The following SLC6A8 variants were observed in gnomAD, a reference collection of about 807,000 sequenced individuals.
SLC6A8 encodes solute carrier family 6 member 8, also known as sodium- and chloride-dependent creatine transporter 1.
SLC6A8 carries 6 observed loss-of-function variants against 48.3 expected under a neutral mutation model. The ratio of observed to expected loss-of-function variants is 0.12; its 90% confidence interval spans 0.07 to 0.25. The LOEUF (loss-of-function observed/expected upper bound fraction) is 0.25, where lower values mean the gene tolerates loss of function less well. Ranked by LOEUF, SLC6A8 falls within the 10% of genes least tolerant of loss-of-function variation. The pLI is 1.00. For missense variants in SLC6A8, 260 were observed against 551.5 expected (o/e 0.47, Z 5.29); for synonymous variants, 245 against 244.0 (o/e 1.00, Z -0.04).
At chrX:153,690,275 C>A in intron 1 of SLC6A8, 100 bp from the exon 2 acceptor site, 1 of 935,039 alleles carries the variant, frequency 1.1e-6, no homozygotes, top group Non-Finnish European at 1.5e-6. Context: ...CTCACCCAGT[C>A]GGAAGTTGTG....
chrX:153,694,573 G>A lies in SLC6A8; in HGVS notation c.1536G>A (p.Gly512=). The A allele has an allele frequency of 1.7e-6, 2 of 1,206,074 alleles. No homozygotes were observed. The highest frequency in any genetic ancestry group is 2.2e-6 in the Non-Finnish European group (2 of 892,634). Residue 512 remains glycine (G), a synonymous_variant, in exon 11 of 13, where the codon GGG becomes GGA. Coordinates refer to ENST00000253122, the MANE Select transcript of SLC6A8 (RefSeq NM_005629.4). The part of the protein sequence containing the change: ...RFMDDIACMI[G]YRPCPWMKWC... ...TGGACGACATTGCCTGTATGATCGG[G>A]TACCGACCTTGCCCCTGGATGAAAT... is the stretch of plus-strand genomic sequence containing the variant.
In SLC6A8 at chrX:153,695,310, A is replaced by G. The variant is rs3861557; in HGVS notation, c.*96A>G. 1 of 924,249 alleles carries G rather than the reference A, an allele frequency of 1.1e-6. No individual in the cohort carries two copies. The highest frequency in any genetic ancestry group is 2.1e-5 in the South Asian group (1 of 47,510). The allele number at this position is 924,249 out of a possible 1,213,427, so 76.2% of individuals were successfully genotyped here. A position where few individuals can be genotyped will look rare whatever the true frequency, so the allele number is the denominator to read the frequency against. ...TCCAGGGGGCCTGCCTTTCCCTGAC[A>G]CTTTTGGGGTCTGCCTGGGGGAGGA... On this transcript the variant is annotated 3_prime_UTR_variant, in exon 13 of 13. Transcript: ENST00000253122.
chrX:153,694,811 C>T lies in SLC6A8; in HGVS notation c.1689C>T (p.Ala563=). ...YPWWGEAMGW[A]FALSSMLCVP... is the part of the protein sequence containing the mutation. ...GGTGGGGTGAGGCCATGGGCTGGGC[C>T]TTCGCCCTGTCCTCCATGCTGTGCG... The change falls in exon 12 of 13, where the codon GCC becomes GCT. Residue 563 remains alanine (A), a synonymous_variant. Coordinates refer to ENST00000253122, the MANE Select transcript of SLC6A8 (RefSeq NM_005629.4). The T allele has an allele frequency of 8.3e-7, 1 of 1,209,917 alleles. No individual in the cohort carries two copies. The highest frequency in any genetic ancestry group is 3.0e-5 in the East Asian group (1 of 33,840).
chrX:153,688,800 T>C lies in SLC6A8; in HGVS notation c.226T>C (p.Trp76Arg). ...VGFAVGLGNV[W>R]RFPYLCYKNG... ...CTTCGCCGTGGGCTTGGGCAACGTG[T>C]GGCGCTTCCCCTACCTGTGCTACAA... The change falls in exon 1 of 13, where the codon TGG becomes CGG. Residue 76 changes from tryptophan (W) to arginine (R), a missense_variant. This residue lies in a region of SLC6A8 where 24 missense variants were observed against 52.0 expected (regional missense o/e 0.46). Transcript: ENST00000253122. The C allele has an allele frequency of 8.8e-7, 1 of 1,139,823 alleles. No homozygotes were observed. Among genetic ancestry groups the C allele is most frequent in the Admixed American group, 2.5e-5 (1 of 39,954 alleles). 93.9% of individuals were successfully genotyped at this position (1,139,823 alleles called of 1,213,427 possible). A position where few individuals can be genotyped will look rare whatever the true frequency, so the allele number is the denominator to read the frequency against.
intron 3 of SLC6A8, 69 bp downstream of exon 3, chrX:153,691,622 G>A: frequency 2.6e-6 from 3 of 1,166,468 alleles, no homozygotes; most frequent in Non-Finnish European, 3.5e-6. Flanking sequence ...CCGGCTCCAG[G>A]GGAGTGGCCC....
chrX:153,694,835 C>G lies in SLC6A8; in HGVS notation c.1713C>G (p.Cys571Trp), dbSNP rs782244505. 1 of 1,207,372 alleles carries G rather than the reference C, an allele frequency of 8.3e-7. No homozygotes were observed. Among genetic ancestry groups the G allele is most frequent in the African/African-American group, 1.7e-5 (1 of 57,491 alleles). The change falls in exon 12 of 13, where the codon TGC becomes TGG. Residue 571 changes from cysteine to tryptophan, a missense_variant. Physicochemically the swap from Cys to Trp is radical, Grantham distance 215. This residue lies in a region of SLC6A8 where 87 missense variants were observed against 120.9 expected (regional missense o/e 0.72). Transcript: ENST00000253122. ...CCTTCGCCCTGTCCTCCATGCTGTGCGTGCCGCTGCACCTCCTGGGCTGCC... is the reference window on the plus strand; with the variant it reads ...CCTTCGCCCTGTCCTCCATGCTGTGGGTGCCGCTGCACCTCCTGGGCTGCC... Reference protein sequence around the residue: ...GWAFALSSMLCVPLHLLGCLL... With the variant: ...GWAFALSSMLWVPLHLLGCLL...
In SLC6A8 at chrX:153,689,518, C is replaced by T. The variant is rs1396075331; in HGVS notation, c.262+682C>T. 5.4e-6 allele frequency: 4 copies of T among 745,384 alleles called. No individual in the cohort carries two copies. In the African/African-American group the frequency reaches 9.7e-5, roughly 18 times the overall value. The allele number at this position is 745,384 out of a possible 1,213,427, so 61.4% of individuals were successfully genotyped here. Reference sequence around the variant, plus strand: ...CTGGGGTTGCTGGAAGCCGAAGTGACCCGGTGATGGGTGGGAAACAGAGGT... The same window carrying T: ...CTGGGGTTGCTGGAAGCCGAAGTGATCCGGTGATGGGTGGGAAACAGAGGT... On this transcript the variant is annotated intron_variant, in intron 1 of 12. Transcript: ENST00000253122.
In SLC6A8 at chrX:153,688,805, C is replaced by T. The variant is rs781820776; in HGVS notation, c.231C>T (p.Arg77=). The part of the protein sequence containing the change: ...GFAVGLGNVW[R]FPYLCYKNGG... ...CCGTGGGCTTGGGCAACGTGTGGCG[C>T]TTCCCCTACCTGTGCTACAAGAACG... The change falls in exon 1 of 13, where the codon CGC becomes CGT. Residue 77 remains arginine, a synonymous_variant. Coordinates refer to ENST00000253122, the MANE Select transcript of SLC6A8 (RefSeq NM_005629.4). 1 of 1,134,199 alleles carries T rather than the reference C, an allele frequency of 8.8e-7. No individual in the cohort carries two copies. The allele number at this position is 1,134,199 out of a possible 1,213,427, so 93.5% of individuals were successfully genotyped here. A position where few individuals can be genotyped will look rare whatever the true frequency, so the allele number is the denominator to read the frequency against.
intron 2 of SLC6A8, 157 bp downstream of exon 2, chrX:153,690,663 G>A (rs1393723732): frequency 1.2e-5 from 7 of 597,805 alleles, no homozygotes; most frequent in South Asian, 2.7e-5. Context: ...GCCGCACAGC[G>A]AACTTGGGGA....
rs187505163 is a variant in SLC6A8 at position 153,693,223 on chromosome X, T to C, written c.913-40T>C. On this transcript the variant is annotated intron_variant, in intron 5 of 12. Transcript: ENST00000253122. The stretch of plus-strand genomic sequence containing the variant: ...GCAGCAGGGCGCTGCGGGGGAGCCC[T>C]GCAGGCCCCTCATGCCTGCGCTCTC... The C allele has an allele frequency of 2.3e-3, 2,755 of 1,204,946 alleles. 33 individuals carry two copies. In the African/African-American group the frequency reaches 0.041, roughly 18 times the overall value.
chrX:153,692,196 C>G, intron 4 of SLC6A8, 89 bp downstream of exon 4: 1 of 953,077 alleles, frequency 1.0e-6, no homozygotes, highest in Non-Finnish European at 1.5e-6. Context: ...CGGGAGGTGA[C>G]CAGACAGAGT....
At chrX:153,693,724 A>G (rs1557045195) in intron 7 of SLC6A8, 138 bp downstream of exon 7, 1 of 855,663 alleles carries the variant, frequency 1.2e-6, no homozygotes, top group Non-Finnish European at 1.7e-6. Flanking sequence ...CTGTGGGGGC[A>G]GGTCCTGGGA....
chrX:153,690,602 C>G (rs1428607332), intron 2 of SLC6A8, 96 bp downstream of exon 2: 2 of 951,519 alleles, frequency 2.1e-6, no homozygotes, highest in Non-Finnish European at 2.9e-6. Context: ...AGGCCTGGGG[C>G]CACGTGATGG....
At chrX:153,689,298 C>T (rs2148359149) in intron 1 of SLC6A8, among the ~76,000 whole-genome samples, 1 of 104,675 alleles carries the variant, frequency 9.6e-6, no homozygotes, top group East Asian at 3.1e-4. Context: ...CGCGGCCCTC[C>T]CGCCCCTCCC....
chrX:153,688,488 T>A lies in SLC6A8; in HGVS notation c.-87T>A. On this transcript the variant is annotated 5_prime_UTR_variant, in exon 1 of 13. Transcript: ENST00000253122. ...CGGCCGGCCCGCGCCCTCGGGGCCC[T>A]CCCCGGTGCCGCCGGTGCCCCCCGC... 1.2e-5 allele frequency: 3 copies of A among 248,937 alleles called. No individual in the cohort carries two copies. The highest frequency in any genetic ancestry group is 1.5e-5 in the Non-Finnish European group (3 of 194,793). 20.5% of individuals were successfully genotyped at this position (248,937 alleles called of 1,213,427 possible).
rs184055391 is a variant in SLC6A8 at position 153,695,817 on chromosome X, G to A, written c.*603G>A. The A allele has an allele frequency of 8.0e-5, 11 of 137,023 alleles. No individual in the cohort carries two copies. The East Asian group carries it at 9.9e-4, about 12-fold the overall frequency. 11.3% of individuals were successfully genotyped at this position (137,023 alleles called of 1,213,427 possible). On this transcript the variant is annotated 3_prime_UTR_variant, in exon 13 of 13. Transcript: ENST00000253122. ...GTATCAATTGTGTGAGCTTGGGTGC[G>A]AGTGCACGCGTGCGTGAGTACGGAG...
rs193175235 is a variant in SLC6A8, at chrX:153,694,099, C to T, written c.1255-31C>T. ...GCAAGGAAAGGGGTGGAGGGCGGTGCGGGGCTCGGCCTGAGCTGCCCTGGC... is the reference window on the plus strand; with the variant it reads ...GCAAGGAAAGGGGTGGAGGGCGGTGTGGGGCTCGGCCTGAGCTGCCCTGGC... On this transcript the variant is annotated intron_variant, in intron 8 of 12. Coordinates refer to ENST00000253122, the MANE Select transcript of SLC6A8 (RefSeq NM_005629.4). 2.0e-3 allele frequency: 2,396 copies of T among 1,205,561 alleles called. 24 individuals are homozygous for T. The East Asian group carries it at 0.031, about 16-fold the overall frequency.
chrX:153,694,758 G>C lies in SLC6A8; in HGVS notation c.1636G>C (p.Val546Leu). 1 of 1,211,278 alleles carries C rather than the reference G, an allele frequency of 8.3e-7. No individual in the cohort carries two copies. The highest frequency in any genetic ancestry group is 1.1e-6 in the Non-Finnish European group (1 of 895,290). Residue 546 changes from valine to leucine, a missense_variant, in exon 12 of 13, where the codon GTC becomes CTC. This residue lies in a region of SLC6A8 where 87 missense variants were observed against 120.9 expected (regional missense o/e 0.72). Coordinates refer to ENST00000253122, the MANE Select transcript of SLC6A8 (RefSeq NM_005629.4). ...CAACGTTGTGTACTACGAGCCGCTGGTCTACAACAACACCTACGTGTACCC... is the reference window on the plus strand; with the variant it reads ...CAACGTTGTGTACTACGAGCCGCTGCTCTACAACAACACCTACGTGTACCC... Reference protein sequence around the residue: ...IFNVVYYEPLVYNNTYVYPWW... With the variant: ...IFNVVYYEPLLYNNTYVYPWW...
intron 7 of SLC6A8, 60 bp downstream of exon 7, chrX:153,693,646 T>C: frequency 1.8e-6 from 2 of 1,125,508 alleles, no homozygotes; most frequent in Non-Finnish European, 2.4e-6. Flanking sequence ...ATGCATGATG[T>C]ACAGGAACAT....
Sources: gnomAD v4.1 joint callset for allele counts (sites outside exome capture counted in the v4.1 genomes callset) on GRCh38, gnomAD v4.1.1 for gene constraint, gnomAD v4.1.1 regional missense constraint, MANE v1.5 for transcripts, NCBI Gene and HGNC (gene_info 2026-07-23, HGNC 2026-07-21) for gene names.